Variants in ATP6V0A2 observed in about 807,000 individuals in gnomAD.
ATP6V0A2 encodes the protein ATPase H+ transporting V0 subunit a2.
ATP6V0A2 carries 58 observed loss-of-function variants against 104.4 expected under a neutral mutation model. That is an observed-to-expected ratio of 0.56 (90% CI 0.45 to 0.69). ATP6V0A2 has a LOEUF of 0.69. ATP6V0A2 is among the 30% of genes least tolerant of loss of function. The pLI, the probability that ATP6V0A2 is intolerant of heterozygous loss-of-function variation, is 0.00. For synonymous variants in ATP6V0A2, 376 were observed against 397.9 expected, an observed-to-expected ratio of 0.95 and a Z score of 0.65; for missense variants, 938 against 1,062.9, an observed-to-expected ratio of 0.88 and a Z score of 1.63.
chr12:123,749,958 T>C (rs1225811989), intron 15 of ATP6V0A2: 1 of 152,294 alleles, frequency 6.6e-6, no homozygotes, highest in Non-Finnish European at 1.5e-5. Flanking sequence ...TTTGGCCTCG[T>C]TGACGAGATG....
intron 8 of ATP6V0A2, 32 bp from the exon 9 acceptor site, chr12:123,737,027 C>T: frequency 6.2e-7 from 1 of 1,606,796 alleles, no homozygotes; most frequent in Non-Finnish European, 8.5e-7. Flanking sequence ...AACATGCCCA[C>T]TCCACTGAAA....
At chr12:123,746,666 G>T (rs968947779) in intron 13 of ATP6V0A2, among the ~76,000 whole-genome samples, 8 of 144,826 alleles carry the variant, frequency 5.5e-5, no homozygotes, top group African/African-American at 2.1e-4. Flanking sequence ...AAAAAAAAAG[G>T]TTGGGCGCGG....
chr12:123,737,894 T>C (rs144232031), intron 9 of ATP6V0A2, among the ~76,000 whole-genome samples: 1 of 152,252 alleles, frequency 6.6e-6, no homozygotes, highest in Non-Finnish European at 1.5e-5. Flanking sequence ...TCTATTTTTC[T>C]TATAACTATT....
rs934681310 is a variant in ATP6V0A2, at chr12:123,747,707, T to A, written c.1706T>A (p.Leu569Gln). The change falls in exon 14 of 20, where the codon CTG becomes CAG. Residue 569 changes from leucine to glutamine, a missense_variant. Coordinates refer to ENST00000330342, the MANE Select transcript of ATP6V0A2 (RefSeq NM_012463.4). ...GIIHMTFGVI[L>Q]GIFNHLHFRK... ...ATTCATATGACTTTTGGAGTCATTCTGGGAATATTTAACCACTTGTAAGTA... is the reference window on the plus strand; with the variant it reads ...ATTCATATGACTTTTGGAGTCATTCAGGGAATATTTAACCACTTGTAAGTA... 2.5e-6 allele frequency: 4 copies of A among 1,598,770 alleles called. No homozygotes were observed. Among genetic ancestry groups the A allele is most frequent in the African/African-American group, 1.3e-5 (1 of 74,572 alleles).
intron 6 of ATP6V0A2, among the ~76,000 whole-genome samples, chr12:123,728,496 A>G (rs1956469628): frequency 6.7e-6 from 1 of 150,304 alleles, no homozygotes; most frequent in Non-Finnish European, 1.5e-5. Flanking sequence ...TTGGCCTCCC[A>G]AAGTGTTGGG....
At chr12:123,735,046 C>T (rs1039742030) in intron 7 of ATP6V0A2, among the ~76,000 whole-genome samples, 1 of 152,024 alleles carries the variant, frequency 6.6e-6, no homozygotes, top group African/African-American at 2.4e-5. Flanking sequence ...CTCGTCATTC[C>T]CTCGTGCAGT....
intron 7 of ATP6V0A2, 116 bp from the exon 8 acceptor site, chr12:123,735,415 C>T (rs1325643365): frequency 4.4e-6 from 4 of 902,882 alleles, no homozygotes; most frequent in Non-Finnish European, 7.2e-6. Context: ...CATCTGCACC[C>T]GTGTCTCCCA....
At position 123,756,006 on chromosome 12, in the gene ATP6V0A2, G is replaced by A. The variant is rs542812311; in HGVS notation, c.2294-809G>A. Among the ~76,000 whole-genome samples the A allele has an allele frequency of 3.1e-4, 47 of 150,780 alleles. No homozygotes were observed. The South Asian group carries it at 6.9e-3, about 22-fold the overall frequency. On this transcript the variant is annotated intron_variant, in intron 18 of 19. Transcript: ENST00000330342. ...TGAGGCAGGAGAATGGTGTGAACCC[G>A]GGAGACAGAGCTTGCAGTGAGCCGA...
intron 9 of ATP6V0A2, among the ~76,000 whole-genome samples, chr12:123,740,227 G>T (rs1956596078): frequency 6.8e-6 from 1 of 148,074 alleles, no homozygotes. Flanking sequence ...TTTGGAGATA[G>T]AGTCTGGCTC....
Position 123,712,614 on chromosome 12 carries a change from C to G in ATP6V0A2, c.49C>G (p.Leu17Val). ...SETMCLAQLF[L>V]QSGTAYECLS... Reference sequence around the variant, plus strand: ...GACCATGTGCCTGGCGCAGCTCTTCCTGCAGTCGGGCACGGCCTACGAGTG... The same window carrying G: ...GACCATGTGCCTGGCGCAGCTCTTCGTGCAGTCGGGCACGGCCTACGAGTG... The change falls in exon 1 of 20, where the codon CTG (leucine) becomes GTG (valine). Residue 17 changes from leucine (L) to valine (V), a missense_variant. Physicochemically the swap from Leu to Val is conservative, Grantham distance 32. Coordinates refer to ENST00000330342, the MANE Select transcript of ATP6V0A2 (RefSeq NM_012463.4). The G allele has an allele frequency of 1.9e-6, 3 of 1,605,862 alleles. No individual in the cohort carries two copies. Among genetic ancestry groups the G allele is most frequent in the Non-Finnish European group, 2.5e-6 (3 of 1,177,164 alleles).
chr12:123,740,193 T>TCC (rs1956595164), intron 9 of ATP6V0A2, among the ~76,000 whole-genome samples: 1 of 128,730 alleles, frequency 7.8e-6, no homozygotes, highest in Non-Finnish European at 1.6e-5. Context: ...ACAGAATGTC[T>TCC]CTCTCTCTCT....
intron 16 of ATP6V0A2, 132 bp downstream of exon 16, chr12:123,751,361 A>G (rs1284650809): frequency 8.2e-5 from 116 of 1,410,996 alleles, no homozygotes; most frequent in Non-Finnish European, 2.3e-5. Flanking sequence ...CTTTATTTAA[A>G]ACATTGATGT....
At chr12:123,731,215 C>T (rs1358092167) in intron 6 of ATP6V0A2, 3 of 152,180 alleles carry the variant, frequency 2.0e-5, no homozygotes, top group African/African-American at 7.2e-5. Flanking sequence ...CCACTGTTTA[C>T]ATGCCAAGTG....
Position 123,758,865 on chromosome 12 carries a change from A to G in ATP6V0A2, c.*833A>G, listed in dbSNP as rs1399885654. The G allele has an allele frequency of 6.6e-6, 1 of 152,252 alleles. No homozygotes were observed. The highest frequency in any genetic ancestry group is 2.4e-5 in the African/African-American group (1 of 41,464). The allele number at this position is 152,252 out of a possible 1,614,324, so 9.4% of individuals were successfully genotyped here. A position where few individuals can be genotyped will look rare whatever the true frequency, so the allele number is the denominator to read the frequency against. ...TTATCCTGTGCTACCTAGAATTACA[A>G]GTAGAGGATTGTTTTTACAATTTTG... On this transcript the variant is annotated 3_prime_UTR_variant, in exon 20 of 20. Transcript: ENST00000330342.
At chr12:123,747,848 T>C in intron 14 of ATP6V0A2, 123 bp downstream of exon 14, 1 of 676,286 alleles carries the variant, frequency 1.5e-6, no homozygotes, top group Non-Finnish European at 2.6e-6. Flanking sequence ...TGTATTTACA[T>C]GATTCTGTTG....
chr12:123,722,242 A>G, intron 2 of ATP6V0A2, 109 bp from the exon 3 acceptor site: 1 of 817,956 alleles, frequency 1.2e-6, no homozygotes, highest in Non-Finnish European at 2.1e-6. Context: ...TTGTGCATTT[A>G]GACATTGATT....
chr12:123,729,963 T>C (rs7974331), intron 6 of ATP6V0A2, among the ~76,000 whole-genome samples: 97,371 of 148,182 alleles, frequency 0.66, 31,984 homozygotes, highest in East Asian at 0.93. Flanking sequence ...TATATAGGCG[T>C]GGACCACCAC....
chr12:123,757,691 G>T (rs912113736), intron 19 of ATP6V0A2, among the ~76,000 whole-genome samples: 1 of 152,140 alleles, frequency 6.6e-6, no homozygotes, highest in Non-Finnish European at 1.5e-5. Context: ...ACGTGCTTTT[G>T]TGTGTTGGGC....
At chr12:123,714,877 C>T (rs111888114) in intron 1 of ATP6V0A2, among the ~76,000 whole-genome samples, 1,686 of 152,188 alleles carry the variant, frequency 0.011, 14 homozygotes, top group South Asian at 0.031. Flanking sequence ...GCCAAGAGTT[C>T]GAGACCATCC....
Sources: allele counts gnomAD v4.1 joint callset (sites outside exome capture counted in the v4.1 genomes callset), GRCh38; gene constraint gnomAD v4.1.1; transcripts MANE v1.5; gene names NCBI Gene and HGNC (gene_info 2026-07-23, HGNC 2026-07-21).